Variants in ME1 observed in about 807,000 individuals in gnomAD.
The protein encoded by ME1 is malic enzyme 1, also known as NADP-dependent malic enzyme.
Under a neutral mutation model 66.4 loss-of-function variants are expected in ME1, and 74 were observed. That is an observed-to-expected ratio of 1.11 (90% CI 0.92 to 1.35). The LOEUF (loss-of-function observed/expected upper bound fraction) is 1.35, where lower values mean the gene tolerates loss of function less well. Among genes scored for constraint, ME1 ranks in the 40% most tolerant of loss-of-function variants. ME1 has a pLI of 0.00. For missense variants in ME1, 750 were observed against 694.1 expected, an observed-to-expected ratio of 1.08 and a Z score of -0.90; for synonymous variants, 251 against 235.6, an observed-to-expected ratio of 1.07 and a Z score of -0.60.
intron 3 of ME1, chr6:83,393,092 C>A: frequency 6.9e-7 from 1 of 1,450,742 alleles, no homozygotes; most frequent in Middle Eastern, 2.4e-4. Flanking sequence ...AGCTCACTGG[C>A]ATGGCCTTCC....
rs142496694 is a variant in ME1 at position 83,309,042 on chromosome 6, G to C, written c.704+6268C>G. On this transcript the variant is annotated intron_variant, in intron 6 of 13. Coordinates refer to ENST00000369705, the MANE Select transcript of ME1 (RefSeq NM_002395.6). ...TAGCAAACAGGCCACAACAAAGTGG[G>C]CAAGGGGGGAAACTAGGAGGAGATA... 1.0e-3 allele frequency among the ~76,000 whole-genome samples: 159 copies of C among 152,204 alleles called. 1 individual carries two copies. The highest frequency in any genetic ancestry group is 3.5e-3 in the African/African-American group (146 of 41,542).
At chr6:83,354,216 T>C (rs2128544860) in intron 3 of ME1, among the ~76,000 whole-genome samples, 1 of 152,296 alleles carries the variant, frequency 6.6e-6, no homozygotes, top group African/African-American at 2.4e-5. Context: ...ATCCCCTGCC[T>C]CCTGGGTTCA....
intron 5 of ME1, among the ~76,000 whole-genome samples, chr6:83,327,783 T>C (rs1231429150): frequency 6.6e-6 from 1 of 152,178 alleles, no homozygotes; most frequent in Non-Finnish European, 1.5e-5. Flanking sequence ...CCTCCCCTTT[T>C]GAAAATCCCT....
chr6:83,228,687 C>T (rs1376246034), intron 10 of ME1, 139 bp downstream of exon 10: 1 of 625,314 alleles, frequency 1.6e-6, no homozygotes, highest in Non-Finnish European at 2.8e-6. Flanking sequence ...ATCTAGGTCT[C>T]TACAGGGTAC....
chr6:83,392,935 T>G lies in ME1; in HGVS notation c.362+5432A>C, dbSNP rs1769652777. The G allele has an allele frequency of 4.9e-6, 4 of 822,744 alleles. No individual in the cohort carries two copies. In the East Asian group the frequency reaches 9.8e-5, roughly 20 times the overall value. The allele number at this position is 822,744 out of a possible 1,614,324, so 51.0% of individuals were successfully genotyped here. On this transcript the variant is annotated intron_variant, in intron 3 of 13. Transcript: ENST00000369705. ...GACAACTTTGGTACCGTGGAAGGACTCATGACCATCGCTGCCACCCAGAAG... is the reference window on the plus strand; with the variant it reads ...GACAACTTTGGTACCGTGGAAGGACGCATGACCATCGCTGCCACCCAGAAG...
intron 6 of ME1, among the ~76,000 whole-genome samples, chr6:83,265,361 A>T (rs1266662209): frequency 1.3e-5 from 2 of 152,110 alleles, no homozygotes; most frequent in African/African-American, 4.8e-5. Context: ...CAGTGGCATG[A>T]TCACAACTCA....
chr6:83,321,976 T>C (rs1378556316), intron 5 of ME1, among the ~76,000 whole-genome samples: 1 of 152,166 alleles, frequency 6.6e-6, no homozygotes, highest in Non-Finnish European at 1.5e-5. Context: ...ATCTTTGCTG[T>C]TCTGCAGCCT....
At chr6:83,311,322 TA>T (rs1203332214) in intron 6 of ME1, among the ~76,000 whole-genome samples, 4 of 152,110 alleles carry the variant, frequency 2.6e-5, no homozygotes, top group Admixed American at 2.6e-4. Flanking sequence ...GGCTGGAACC[TA>T]GGAAAAGGGA....
chr6:83,351,125 T>C (rs904210774), intron 4 of ME1, among the ~76,000 whole-genome samples: 8 of 152,066 alleles, frequency 5.3e-5, no homozygotes, highest in Non-Finnish European at 8.8e-5. Context: ...CAAGGCATGG[T>C]AGCTCACACC....
At chr6:83,267,072 T>C (rs1364433306) in intron 6 of ME1, among the ~76,000 whole-genome samples, 1 of 152,178 alleles carries the variant, frequency 6.6e-6, no homozygotes, top group Non-Finnish European at 1.5e-5. Context: ...GTAGTTTATC[T>C]TTTAGGAAGG....
chr6:83,349,453 A>C (rs1287600398), intron 4 of ME1, among the ~76,000 whole-genome samples: 2 of 79,492 alleles, frequency 2.5e-5, no homozygotes, highest in Non-Finnish European at 6.3e-5. Context: ...TTTTTCAAAA[A>C]TTAAATCTTC....
chr6:83,290,180 T>C (rs918639202), intron 6 of ME1, among the ~76,000 whole-genome samples: 2 of 152,300 alleles, frequency 1.3e-5, no homozygotes, highest in East Asian at 1.9e-4. Flanking sequence ...CTTTTGAATA[T>C]GTTTGCTCTT....
At chr6:83,229,960 C>G (rs1790268241) in intron 9 of ME1, among the ~76,000 whole-genome samples, 1 of 152,040 alleles carries the variant, frequency 6.6e-6, no homozygotes, top group Non-Finnish European at 1.5e-5. Context: ...GTAGCTGGAA[C>G]TACAGGCATG....
intron 3 of ME1, among the ~76,000 whole-genome samples, chr6:83,396,542 C>G (rs1407195795): frequency 6.6e-6 from 1 of 152,038 alleles, no homozygotes; most frequent in Non-Finnish European, 1.5e-5. Flanking sequence ...AATGACCACA[C>G]TACCCAAAGA....
rs1770478707 is a variant in ME1, at chr6:83,430,980, G to C, written c.-26C>G. ...GGCTGGCGCCGGGTTCGGCGGCGGG[G>C]TCAGGCCGGGGCGGGCCGCACGCGC... On this transcript the variant is annotated 5_prime_UTR_variant, in exon 1 of 14. Transcript: ENST00000369705. 1 of 1,485,082 alleles carries C rather than the reference G, an allele frequency of 6.7e-7. No homozygotes were observed. Among genetic ancestry groups the C allele is most frequent in the Admixed American group, 2.2e-5 (1 of 44,990 alleles). The allele number at this position is 1,485,082 out of a possible 1,614,324, so 92.0% of individuals were successfully genotyped here.
At chr6:83,307,054 A>C (rs1767837500) in intron 6 of ME1, among the ~76,000 whole-genome samples, 1 of 152,144 alleles carries the variant, frequency 6.6e-6, no homozygotes, top group South Asian at 2.1e-4. Context: ...TGGCTTCTCC[A>C]AGGTTGGACT....
intron 5 of ME1, among the ~76,000 whole-genome samples, chr6:83,342,565 A>G (rs1364713668): frequency 1.3e-5 from 2 of 152,138 alleles, no homozygotes; most frequent in Non-Finnish European, 2.9e-5. Flanking sequence ...ACTTTTTAAA[A>G]ATTTGTTTAT....
At chr6:83,395,504 T>A (rs1769713560) in intron 3 of ME1, among the ~76,000 whole-genome samples, 2 of 150,212 alleles carry the variant, frequency 1.3e-5, no homozygotes, top group East Asian at 3.9e-4. Context: ...TGAGACAGAG[T>A]CTCGCTCTGT....
At chr6:83,298,931 GTTTTTTT>G (rs61055748) in intron 6 of ME1, among the ~76,000 whole-genome samples, 3 of 22,496 alleles carry the variant, frequency 1.3e-4, no homozygotes, top group African/African-American at 5.6e-4. Context: ...CTATGTGTCT[GTTTTTTT>G]TTTTTTTTTT....
Sources: allele counts gnomAD v4.1 joint callset (sites outside exome capture counted in the v4.1 genomes callset), GRCh38; gene constraint gnomAD v4.1.1; transcripts MANE v1.5; gene names NCBI Gene and HGNC (gene_info 2026-07-23, HGNC 2026-07-21).